UBR3: variants seen among roughly 807,000 people sequenced by gnomAD.
The protein encoded by UBR3 is E3 ubiquitin-protein ligase UBR3.
In UBR3, 85 loss-of-function variants were observed where a neutral mutation model predicts 243.2. The ratio of observed to expected loss-of-function variants is 0.35; its 90% CI spans 0.29 to 0.42. The LOEUF (loss-of-function observed/expected upper bound fraction) is 0.42. UBR3 is among the 10% of genes least tolerant of loss of function. UBR3 has a pLI of 1.00. For missense variants in UBR3, 1,686 were observed against 2,300.8 expected, an observed-to-expected ratio of 0.73 and a Z score of 5.47; for synonymous variants, 748 against 799.8, an observed-to-expected ratio of 0.94 and a Z score of 1.09.
At chr2:169,905,352 T>C (rs1379924018) in intron 9 of UBR3, 59 bp downstream of exon 9, 10 of 1,274,220 alleles carry the variant, frequency 7.8e-6, no homozygotes, top group Non-Finnish European at 1.0e-5. Flanking sequence ...TGCTAAATTA[T>C]TAAATATCAA....
At chr2:170,078,004 T>G (rs2091846013) in intron 36 of UBR3, 1 of 668,826 alleles carries the variant, frequency 1.5e-6, no homozygotes, top group Admixed American at 2.0e-5. Context: ...GGGAAGTACG[T>G]TAGCTTGAGG....
intron 1 of UBR3, among the ~76,000 whole-genome samples, chr2:169,836,065 A>ATTTTT (rs1558999105): frequency 0.011 from 310 of 27,938 alleles, 75 homozygotes; most frequent in East Asian, 0.022. Flanking sequence ...ATATATATAT[A>ATTTTT]TATTTTTTTT....
At chr2:169,942,758 T>C in intron 20 of UBR3, 124 bp downstream of exon 20, 2 of 944,318 alleles carry the variant, frequency 2.1e-6, no homozygotes, top group South Asian at 2.7e-5. Flanking sequence ...ATTTAAGATG[T>C]ATGAAGATAT....
At chr2:169,828,094 G>C (rs1162021501) in intron 1 of UBR3, 42 bp downstream of exon 1, 10 of 1,349,876 alleles carry the variant, frequency 7.4e-6, no homozygotes, top group Non-Finnish European at 8.6e-6. Flanking sequence ...CCCTGGGCCG[G>C]GGACGTCGCG....
rs994465289 is a variant in UBR3 at position 169,876,034 on chromosome 2, A to G, written c.844+85A>G. Reference sequence around the variant, plus strand: ...TGAGTCTTTTAGAACTTAAAGGTAAATTGTAGAATTTTCATAGAATGCTAA... The same window carrying G: ...TGAGTCTTTTAGAACTTAAAGGTAAGTTGTAGAATTTTCATAGAATGCTAA... On this transcript the variant is annotated intron_variant, in intron 3 of 38. Transcript: ENST00000272793. 5.7e-5 allele frequency: 66 copies of G among 1,151,472 alleles called. 2 individuals carry two copies. The South Asian group carries it at 1.2e-3, about 20-fold the overall frequency. The allele number at this position is 1,151,472 out of a possible 1,614,324, so 71.3% of individuals were successfully genotyped here. A position where few individuals can be genotyped will look rare whatever the true frequency, so the allele number is the denominator to read the frequency against.
At chr2:169,831,127 A>ATTTTTTTT (rs34139528) in intron 1 of UBR3, among the ~76,000 whole-genome samples, 2 of 56,478 alleles carry the variant, frequency 3.5e-5, no homozygotes, top group Admixed American at 2.9e-4. Flanking sequence ...ATATATATAT[A>ATTTTTTTT]TTTTTTTTTT....
chr2:169,833,974 G>A (rs1394841060), intron 1 of UBR3, among the ~76,000 whole-genome samples: 2 of 152,172 alleles, frequency 1.3e-5, no homozygotes, highest in African/African-American at 4.8e-5. Context: ...TTTTTGTAGA[G>A]ATGGTATTTC....
At chr2:170,044,273 C>T (rs1299174266) in intron 32 of UBR3, among the ~76,000 whole-genome samples, 3 of 152,134 alleles carry the variant, frequency 2.0e-5, no homozygotes, top group Non-Finnish European at 4.4e-5. Flanking sequence ...GGAAATTTTA[C>T]TGTTTAGACT....
Position 169,933,075 on chromosome 2 carries a change from AAC to A in UBR3, c.2663+71_2663+72del, listed in dbSNP as rs2086198227. The A allele has an allele frequency of 1.7e-5, 19 of 1,099,008 alleles. 1 individual carries two copies. The South Asian group carries it at 2.8e-4, about 16-fold the overall frequency. 68.1% of individuals were successfully genotyped at this position (1,099,008 alleles called of 1,614,324 possible). The stretch of plus-strand genomic sequence containing the variant: ...ATTTATATGGAAAAATTTCAGTGAT[AAC>A]ACAGATATGATATGCTCTCATTAAA... On this transcript the variant is annotated intron_variant, in intron 19 of 38. Transcript: ENST00000272793.
At chr2:170,007,898 A>G (rs1043599971) in intron 28 of UBR3, among the ~76,000 whole-genome samples, 1 of 151,990 alleles carries the variant, frequency 6.6e-6, no homozygotes, top group Admixed American at 6.5e-5. Context: ...TTAAAAAACA[A>G]GCTATATATA....
Position 169,827,713 on chromosome 2 carries a change from CCGGCGGCGAGGACGCGGCGG to C in UBR3, c.211_230del (p.Gly71ArgfsTer18). 1 of 1,226,286 alleles carries C rather than the reference CCGGCGGCGAGGACGCGGCGG, an allele frequency of 8.2e-7. No homozygotes were observed. The highest frequency in any genetic ancestry group is 1.0e-6 in the Non-Finnish European group (1 of 987,744). The allele number at this position is 1,226,286 out of a possible 1,614,324, so 76.0% of individuals were successfully genotyped here. On this transcript the variant is annotated frameshift_variant, in exon 1 of 39. Coordinates refer to ENST00000272793, the MANE Select transcript of UBR3 (RefSeq NM_172070.4). LOFTEE classifies it high-confidence loss of function. ...GCCGAGCGGCCGCTGGCCGCGGCTGCCGGCGGCGAGGACGCGGCGGCGGCCGGAGGCGGGGGCGGTCCGGG... is the reference window on the plus strand; with the variant it reads ...GCCGAGCGGCCGCTGGCCGCGGCTGCCGGCCGGAGGCGGGGGCGGTCCGGG...
At chr2:169,919,208 G>A (rs1241679839) in intron 11 of UBR3, among the ~76,000 whole-genome samples, 1 of 152,178 alleles carries the variant, frequency 6.6e-6, no homozygotes, top group Non-Finnish European at 1.5e-5. Context: ...TTCTTCTTAG[G>A]AATTGGAAGG....
intron 8 of UBR3, among the ~76,000 whole-genome samples, chr2:169,898,380 GA>G (rs1252100757): frequency 2.6e-5 from 4 of 152,138 alleles, no homozygotes; most frequent in African/African-American, 9.7e-5. Context: ...ACCATCTCTA[GA>G]GTACTCAACT....
intron 26 of UBR3, among the ~76,000 whole-genome samples, chr2:169,997,256 A>C (rs2105396836): frequency 6.6e-6 from 1 of 152,140 alleles, no homozygotes; most frequent in East Asian, 1.9e-4. Context: ...GGCTCACTCT[A>C]CCCAGGCTGG....
intron 1 of UBR3, among the ~76,000 whole-genome samples, chr2:169,866,614 C>T (rs1478600989): frequency 3.3e-5 from 5 of 152,260 alleles, no homozygotes; most frequent in Admixed American, 2.6e-4. Context: ...TCGCCCACCT[C>T]GGCCCCCCAA....
intron 31 of UBR3, among the ~76,000 whole-genome samples, chr2:170,038,270 C>G (rs2090880117): frequency 6.6e-6 from 1 of 152,128 alleles, no homozygotes; most frequent in Non-Finnish European, 1.5e-5. Context: ...TTAAATGGAT[C>G]CATAAACTTT....
In UBR3 at chr2:169,859,288, G is replaced by A. The variant is rs375995852; in HGVS notation, c.546-12948G>A. ...GGGTTTCACCGTGCTAGCCAGGATG[G>A]TCTCGATCTCCTGACCTCGTGATCC... is the stretch of plus-strand genomic sequence containing the variant. On this transcript the variant is annotated intron_variant, in intron 1 of 38. Transcript: ENST00000272793. 2.2e-4 allele frequency among the ~76,000 whole-genome samples: 33 copies of A among 151,996 alleles called. No homozygotes were observed. In the South Asian group the frequency reaches 6.9e-3, roughly 32 times the overall value.
intron 23 of UBR3, among the ~76,000 whole-genome samples, chr2:169,956,989 G>A (rs6704950): frequency 0.054 from 8,213 of 151,938 alleles, 399 homozygotes; most frequent in African/African-American, 0.13. Context: ...CTGTATTATG[G>A]GTATGACACA....
At chr2:170,019,164 A>G (rs1266395348) in intron 30 of UBR3, among the ~76,000 whole-genome samples, 1 of 64,408 alleles carries the variant, frequency 1.6e-5, no homozygotes, top group Non-Finnish European at 3.7e-5. Context: ...ATGAAATGTT[A>G]GTCAAGAAGA....
Sources: allele counts gnomAD v4.1 joint callset (sites outside exome capture counted in the v4.1 genomes callset), GRCh38; gene constraint gnomAD v4.1.1; transcripts MANE v1.5; gene names NCBI Gene and HGNC (gene_info 2026-07-23, HGNC 2026-07-21).